Variants in CDH2 observed in about 807,000 individuals in gnomAD.
The protein encoded by CDH2 is cadherin 2.
In CDH2, 17 loss-of-function variants were observed where a neutral mutation model predicts 92.0. The observed-to-expected ratio is 0.18, with a 90% CI of 0.13 to 0.28. The LOEUF (loss-of-function observed/expected upper bound fraction) is 0.28, where lower values mean the gene tolerates loss of function less well. Ranked by LOEUF, CDH2 falls within the 10% of genes least tolerant of loss-of-function variation. The pLI is 1.00. For synonymous variants in CDH2, 419 were observed against 415.9 expected (o/e 1.01, Z -0.09); for missense variants, 862 against 1,133.1 (o/e 0.76, Z 3.44).
intron 2 of CDH2, among the ~76,000 whole-genome samples, chr18:28,027,186 T>A (rs747685906): frequency 6.6e-5 from 10 of 152,124 alleles, no homozygotes; most frequent in Non-Finnish European, 1.5e-4. Context: ...ACTGTTAGTG[T>A]GGCACATCCT....
chr18:28,145,477 T>C (rs1283452190), intron 2 of CDH2, among the ~76,000 whole-genome samples: 1 of 152,148 alleles, frequency 6.6e-6, no homozygotes. Context: ...TTTACTGCAG[T>C]ACACAGAATT....
At chr18:28,075,202 C>T (rs1290952615) in intron 2 of CDH2, among the ~76,000 whole-genome samples, 3 of 152,120 alleles carry the variant, frequency 2.0e-5, no homozygotes. Context: ...GAAGAAAGCA[C>T]ATAAAGTAAA....
chr18:28,166,537 GAT>G (rs1381422586), intron 1 of CDH2, among the ~76,000 whole-genome samples: 5 of 152,010 alleles, frequency 3.3e-5, no homozygotes, highest in Non-Finnish European at 7.4e-5. Flanking sequence ...AACAAAAAAA[GAT>G]AGAACTGTGA....
chr18:28,015,697 TATTA>T (rs781705820), intron 2 of CDH2, among the ~76,000 whole-genome samples: 5 of 152,178 alleles, frequency 3.3e-5, no homozygotes, highest in Non-Finnish European at 7.3e-5. Flanking sequence ...ACTCTAGTAT[TATTA>T]ATTGTCATCC....
intron 4 of CDH2, among the ~76,000 whole-genome samples, chr18:28,011,619 C>T (rs1258659645): frequency 1.3e-5 from 2 of 152,090 alleles, no homozygotes; most frequent in Non-Finnish European, 2.9e-5. Flanking sequence ...GCTTTCTAAT[C>T]CACAGTGTGC....
chr18:27,934,702 GTAAT>G (rs1326565669), intron 6 of CDH2, among the ~76,000 whole-genome samples: 1 of 130,060 alleles, frequency 7.7e-6, no homozygotes, highest in Non-Finnish European at 1.8e-5. Flanking sequence ...TTTGGAACCA[GTAAT>G]TAATTAAATT....
intron 2 of CDH2, among the ~76,000 whole-genome samples, chr18:28,036,172 A>C (rs1023733558): frequency 1.3e-5 from 2 of 152,168 alleles, no homozygotes; most frequent in African/African-American, 2.4e-5. Context: ...TCTTGTTTTG[A>C]AATACAGATG....
chr18:28,174,870 G>A (rs750607973), intron 1 of CDH2, among the ~76,000 whole-genome samples: 2 of 152,072 alleles, frequency 1.3e-5, no homozygotes, highest in African/African-American at 4.8e-5. Context: ...TTCACACTGA[G>A]GATTTACTGT....
chr18:27,976,285 T>C (rs1284962338), intron 14 of CDH2, among the ~76,000 whole-genome samples: 19 of 152,108 alleles, frequency 1.2e-4, no homozygotes, highest in Admixed American at 1.2e-3. Context: ...AGGGTTCCAG[T>C]TTCTATCAAT....
chr18:28,020,937 T>G (rs1349703123), intron 2 of CDH2, among the ~76,000 whole-genome samples: 1 of 152,008 alleles, frequency 6.6e-6, no homozygotes, highest in African/African-American at 2.4e-5. Flanking sequence ...TTTCTGCTAA[T>G]ATAAAACTGG....
intron 14 of CDH2, among the ~76,000 whole-genome samples, chr18:27,981,028 A>C (rs1228465485): frequency 6.6e-6 from 1 of 152,178 alleles, no homozygotes; most frequent in Non-Finnish European, 1.5e-5. Context: ...TGGTGGGGAA[A>C]GGAGAGGAAG....
intron 15 of CDH2, among the ~76,000 whole-genome samples, chr18:27,955,775 TTTTTTAA>T (rs2143863421): frequency 7.5e-6 from 1 of 133,564 alleles, no homozygotes; most frequent in South Asian, 2.5e-4. Context: ...TTTTTTTTTT[TTTTTTAA>T]AGAGGTTAAG....
chr18:28,094,792 T>TTAAA (rs765195383), intron 2 of CDH2, among the ~76,000 whole-genome samples: 1 of 82,386 alleles, frequency 1.2e-5, no homozygotes, highest in African/African-American at 4.8e-5. Context: ...AGACTCTGTC[T>TTAAA]AAAAAAAAAA....
chr18:27,992,020 T>C (rs1027750200), intron 9 of CDH2, among the ~76,000 whole-genome samples: 2 of 152,204 alleles, frequency 1.3e-5, no homozygotes, highest in African/African-American at 4.8e-5. Context: ...TGGTTCCTTT[T>C]TGACCATAAG....
At chr18:28,166,149 C>CATATATATATATATATAAATATAT (rs1555648243) in intron 1 of CDH2, among the ~76,000 whole-genome samples, 5 of 59,276 alleles carry the variant, frequency 8.4e-5, no homozygotes, top group Admixed American at 7.5e-4. Flanking sequence ...CAGACACACT[C>CATATATATATATATATAAATATAT]ATATATATAT....
At chr18:27,941,088 T>A (rs1361623721) in intron 6 of CDH2, among the ~76,000 whole-genome samples, 1 of 145,194 alleles carries the variant, frequency 6.9e-6, no homozygotes, top group Non-Finnish European at 1.5e-5. Flanking sequence ...CAGGCTGGAG[T>A]GCAGTGGTGC....
chr18:27,983,127 A>C, intron 13 of CDH2, 44 bp from the exon 14 acceptor site: 1 of 1,503,354 alleles, frequency 6.7e-7, no homozygotes, highest in Non-Finnish European at 9.2e-7. Flanking sequence ...GTCATTTTTA[A>C]AGCCTGGCCT....
At chr18:28,171,268 C>T (rs1413534111) in intron 1 of CDH2, among the ~76,000 whole-genome samples, 1 of 150,178 alleles carries the variant, frequency 6.7e-6, no homozygotes, top group Admixed American at 6.6e-5. Context: ...TGACAAAGGG[C>T]TAGAGCTGTA....
exon 7 of CDH2, among the ~76,000 whole-genome samples, chr18:27,933,069 T>G (rs1294408800): frequency 6.6e-6 from 1 of 152,108 alleles, no homozygotes; most frequent in South Asian, 2.1e-4. Flanking sequence ...ATTGCTGAGA[T>G]CATGGTGCCC....
Sources: allele counts gnomAD v4.1 joint callset (sites outside exome capture counted in the v4.1 genomes callset), GRCh38; gene constraint gnomAD v4.1.1; transcripts MANE v1.5; gene names NCBI Gene and HGNC (gene_info 2026-07-23, HGNC 2026-07-21).